SLC2A11: variants seen among roughly 807,000 people sequenced by gnomAD.
The protein encoded by SLC2A11 is solute carrier family 2 member 11.
Under a neutral mutation model 52.1 loss-of-function variants are expected in SLC2A11, and 43 were observed. The ratio of observed to expected loss-of-function variants is 0.82; its 90% CI spans 0.65 to 1.06. The LOEUF (loss-of-function observed/expected upper bound fraction) is 1.06, where lower values mean the gene tolerates loss of function less well. SLC2A11 is among the 50% of genes least tolerant of loss of function. SLC2A11 has a pLI of 0.00. For synonymous variants in SLC2A11, 261 were observed against 277.6 expected, an observed-to-expected ratio of 0.94 and a Z score of 0.59; for missense variants, 582 against 654.2, an observed-to-expected ratio of 0.89 and a Z score of 1.20.
chr22:23,877,858 C>T lies in SLC2A11; in HGVS notation c.683C>T (p.Ala228Val), dbSNP rs1381118708. ...CTCATTGACTGTGGAGACACCGAGG[C>T]CTGCCTGGCAGGTGAGTCTCTGTCC... is the stretch of plus-strand genomic sequence containing the variant. ...YLLIDCGDTE[A>V]CLAALRRLRG... Residue 228 changes from alanine to valine, a missense_variant, in exon 6 of 12, where the codon GCC (alanine) becomes GTC (valine). Transcript: ENST00000316185. 1 of 1,611,536 alleles carries T rather than the reference C, an allele frequency of 6.2e-7. No individual in the cohort carries two copies. The highest frequency in any genetic ancestry group is 1.1e-5 in the South Asian group (1 of 90,646).
Position 23,884,496 on chromosome 22 carries a change from G to C in SLC2A11, c.1299+67G>C, listed in dbSNP as rs72660219. ...GTCCCTGTCATCCTGAGAACCCCAG[G>C]GGGAGGCTTCCATCCAGGGAGACTG... is the stretch of plus-strand genomic sequence containing the variant. On this transcript the variant is annotated intron_variant, in intron 11 of 11. Coordinates refer to ENST00000316185, the MANE Select transcript of SLC2A11 (RefSeq NM_001024939.4). This position sits in a 1 kb window ranked among gnomAD's most constrained non-coding sequence, Gnocchi z 4.3. The C allele has an allele frequency of 6.7e-3, 10,610 of 1,576,264 alleles. 523 individuals carry two copies. In the African/African-American group the frequency reaches 0.11, roughly 17 times the overall value.
chr22:23,884,700 G>T lies in SLC2A11; in HGVS notation c.1351G>T (p.Gly451Trp), dbSNP rs751508964. ...CCCTTTCCTTGGTGTCTGTGTCTGTGGGGCCATCTACACTGGCCTGTTCCT... is the reference window on the plus strand; with the variant it reads ...CCCTTTCCTTGGTGTCTGTGTCTGTTGGGCCATCTACACTGGCCTGTTCCT... ...YVPFLGVCVC[G>W]AIYTGLFLPE... Residue 451 changes from glycine to tryptophan, a missense_variant, in exon 12 of 12, where the codon GGG becomes TGG. By Grantham distance (184) the Gly-to-Trp change is radical. Transcript: ENST00000316185. The surrounding 1 kb of genome is among the most constrained non-coding windows in gnomAD (Gnocchi z 4.3). The T allele has an allele frequency of 1.9e-6, 3 of 1,613,224 alleles. No individual in the cohort carries two copies. The South Asian group carries it at 3.3e-5, about 18-fold the overall frequency.
At chr22:23,876,914 C>A in intron 4 of SLC2A11, 128 bp from the exon 5 acceptor site, 1 of 1,433,680 alleles carries the variant, frequency 7.0e-7, no homozygotes, top group Non-Finnish European at 9.6e-7. Context: ...GGTGAGGGAT[C>A]AGCCCTCAGT....
At chr22:23,867,734 G>T (rs770255115) in intron 2 of SLC2A11, 1 of 470,586 alleles carries the variant, frequency 2.1e-6, no homozygotes, top group Admixed American at 2.3e-5. Context: ...TGAATGACAA[G>T]ATTTGATGAG....
intron 3 of SLC2A11, among the ~76,000 whole-genome samples, chr22:23,874,713 A>G (rs1211049322): frequency 6.6e-6 from 1 of 151,992 alleles, no homozygotes; most frequent in East Asian, 1.9e-4. Flanking sequence ...CAGCATCCCA[A>G]AGTGCTGGGA....
chr22:23,867,983 G>C (rs975867063), intron 2 of SLC2A11: 1 of 327,246 alleles, frequency 3.1e-6, no homozygotes, highest in African/African-American at 2.2e-5. Flanking sequence ...ATCCCCAATT[G>C]ATGGCCAGTT....
intron 3 of SLC2A11, chr22:23,871,408 CAA>C (rs530149356): frequency 4.3e-4 from 33 of 76,548 alleles, no homozygotes; most frequent in Middle Eastern, 9.3e-3. Context: ...GACTCCATCT[CAA>C]AAAAAAAAAA....
Position 23,875,137 on chromosome 22 carries a change from A to G in SLC2A11, c.311A>G (p.Asn104Ser). The G allele has an allele frequency of 1.3e-6, 2 of 1,593,576 alleles. No individual in the cohort carries two copies. The highest frequency in any genetic ancestry group is 1.7e-6 in the Non-Finnish European group (2 of 1,169,902). ...TLGRKKSLLV[N>S]NIFVVSAAIL... is the part of the protein sequence containing the mutation. ...CCAAGGAAGAAGTCCCTCCTGGTGA[A>G]TAACATCTTTGTGGTGTCAGCAGCA... Residue 104 changes from asparagine to serine, a missense_variant, in exon 4 of 12, where the codon AAT becomes AGT. Asn to Ser is a conservative substitution (Grantham distance 46). Coordinates refer to ENST00000316185, the MANE Select transcript of SLC2A11 (RefSeq NM_001024939.4).
At chr22:23,858,518 G>A (rs2031940383) in intron 1 of SLC2A11, among the ~76,000 whole-genome samples, 1 of 152,122 alleles carries the variant, frequency 6.6e-6, no homozygotes, top group South Asian at 2.1e-4. Context: ...ATTTCTTTAG[G>A]TATTTGCATG....
At chr22:23,882,369 A>G in intron 6 of SLC2A11, 90 bp from the exon 7 acceptor site, 1 of 1,172,858 alleles carries the variant, frequency 8.5e-7, no homozygotes, top group Non-Finnish European at 1.2e-6. Context: ...CAAGAAGGAA[A>G]GGAATGGTGG....
In SLC2A11 at chr22:23,862,129, C is replaced by G. The variant is rs1308649604; in HGVS notation, c.56C>G (p.Thr19Ser). 1 of 1,614,194 alleles carries G rather than the reference C, an allele frequency of 6.2e-7. No individual in the cohort carries two copies. The highest frequency in any genetic ancestry group is 8.5e-7 in the Non-Finnish European group (1 of 1,180,022). ...ATTCAGGGCAGGATCCTGCTCCTGACCATCTGCGCTGCCGGCATTGGTGGG... is the reference window on the plus strand; with the variant it reads ...ATTCAGGGCAGGATCCTGCTCCTGAGCATCTGCGCTGCCGGCATTGGTGGG... ...RMIQGRILLL[T>S]ICAAGIGGTF... Residue 19 changes from threonine (T) to serine (S), a missense_variant, in exon 2 of 12, where the codon ACC becomes AGC. Coordinates refer to ENST00000316185, the MANE Select transcript of SLC2A11 (RefSeq NM_001024939.4).
chr22:23,873,510 A>G (rs2032525253), intron 3 of SLC2A11, among the ~76,000 whole-genome samples: 2 of 152,052 alleles, frequency 1.3e-5, no homozygotes, highest in African/African-American at 2.4e-5. Flanking sequence ...GGGTTTCACC[A>G]TGTTGGCCAG....
intron 8 of SLC2A11, chr22:23,883,085 C>T (rs530180097): frequency 9.0e-5 from 56 of 623,710 alleles, no homozygotes; most frequent in Non-Finnish European, 1.3e-4. Context: ...ACAGTGAAAC[C>T]CCCGTCTCTA....
At chr22:23,868,858 C>G (rs568642223) in intron 3 of SLC2A11, 1 of 516,828 alleles carries the variant, frequency 1.9e-6, no homozygotes. Flanking sequence ...GGGAGGACTC[C>G]TGGTTTCTAA....
chr22:23,867,670 C>T, intron 2 of SLC2A11: 1 of 470,394 alleles, frequency 2.1e-6, no homozygotes, highest in South Asian at 1.5e-5. Context: ...CAGCCCCACT[C>T]ACGGAGCTCT....
upstream of SLC2A11, chr22:23,857,442 G>C (rs999085943): frequency 3.7e-6 from 6 of 1,612,468 alleles, no homozygotes; most frequent in Non-Finnish European, 5.1e-6. Flanking sequence ...GGGCTTAGCC[G>C]AGTAAGGAGT....
Position 23,882,596 on chromosome 22 carries a change from A to T in SLC2A11, c.832A>T (p.Thr278Ser). Residue 278 changes from threonine (T) to serine (S), a missense_variant, in exon 7 of 12, where the codon ACA becomes TCA. Coordinates refer to ENST00000316185, the MANE Select transcript of SLC2A11 (RefSeq NM_001024939.4). ...FQHRALRRQV[T>S]SLVVLGSAME... is the part of the protein sequence containing the mutation. ...GCATCGGGCCCTGAGGAGACAGGTG[A>T]CAAGCCTCGTGGTTCTGGGCAGTGC... 6.2e-7 allele frequency: 1 copy of T among 1,613,440 alleles called. No individual in the cohort carries two copies. Among genetic ancestry groups the T allele is most frequent in the Non-Finnish European group, 8.5e-7 (1 of 1,179,826 alleles).
Position 23,884,153 on chromosome 22 carries a change from C to A in SLC2A11, c.1171+129C>A. Reference sequence around the variant, plus strand: ...CCTCAGAGACCACCTCATGCCGGGGCTTCTGGGAGGGAATGGCAGGAGGAG... The same window carrying A: ...CCTCAGAGACCACCTCATGCCGGGGATTCTGGGAGGGAATGGCAGGAGGAG... On this transcript the variant is annotated intron_variant, in intron 10 of 11. Transcript: ENST00000316185. The surrounding 1 kb of genome is among the most constrained non-coding windows in gnomAD (Gnocchi z 4.3). 1 of 1,483,510 alleles carries A rather than the reference C, an allele frequency of 6.7e-7. No homozygotes were observed. The highest frequency in any genetic ancestry group is 9.0e-7 in the Non-Finnish European group (1 of 1,110,518). The allele number at this position is 1,483,510 out of a possible 1,614,324, so 91.9% of individuals were successfully genotyped here. A position where few individuals can be genotyped will look rare whatever the true frequency, so the allele number is the denominator to read the frequency against.
intron 6 of SLC2A11, chr22:23,880,906 C>G (rs991176567): frequency 1.3e-5 from 2 of 152,108 alleles, no homozygotes; most frequent in African/African-American, 4.8e-5. Flanking sequence ...TTGGAGTTTT[C>G]TTTGCTCAAG....
Sources: allele counts gnomAD v4.1 joint callset (sites outside exome capture counted in the v4.1 genomes callset), GRCh38; gene constraint gnomAD v4.1.1; non-coding constraint Gnocchi (gnomAD v3.1); transcripts MANE v1.5; gene names NCBI Gene and HGNC (gene_info 2026-07-23, HGNC 2026-07-21).